The following APBA2 variants were observed in gnomAD, a reference collection of about 807,000 sequenced individuals.
APBA2 encodes amyloid-beta A4 precursor protein-binding family A member 2.
Under a neutral mutation model 75.0 loss-of-function variants are expected in APBA2, and 30 were observed. The observed-to-expected ratio is 0.40, with a 90% CI of 0.30 to 0.54. The LOEUF is 0.54. Among genes scored for constraint, APBA2 ranks in the 20% least tolerant of loss-of-function variants. The probability of loss-of-function intolerance (pLI) is 0.49; values close to 1 mark genes in which losing one functional copy is unlikely to be tolerated. For synonymous variants in APBA2, 444 were observed against 409.6 expected, an observed-to-expected ratio of 1.08 and a Z score of -1.01; for missense variants, 801 against 1,016.1, an observed-to-expected ratio of 0.79 and a Z score of 2.88.
chr15:29,103,488 G>A (rs2044233655), intron 10 of APBA2, among the ~76,000 whole-genome samples: 1 of 152,244 alleles, frequency 6.6e-6, no homozygotes, highest in Non-Finnish European at 1.5e-5. Flanking sequence ...CAGCCGCAGA[G>A]AGAGCCCCCT....
intron 11 of APBA2, among the ~76,000 whole-genome samples, chr15:29,106,356 G>A (rs556672123): frequency 7.0e-6 from 1 of 143,276 alleles, no homozygotes; most frequent in Admixed American, 7.7e-5. Flanking sequence ...GGGATAGGGG[G>A]TCTGTGCTTC....
At chr15:29,067,296 G>C (rs962327785) in intron 4 of APBA2, among the ~76,000 whole-genome samples, 45 of 152,044 alleles carry the variant, frequency 3.0e-4, no homozygotes, top group African/African-American at 8.7e-4. Context: ...AAACATTTTG[G>C]GCCAAATCAA....
chr15:28,924,034 G>A (rs1340913420), intron 2 of APBA2, among the ~76,000 whole-genome samples: 1 of 152,160 alleles, frequency 6.6e-6, no homozygotes, highest in Non-Finnish European at 1.5e-5. Context: ...GGTCAACCTG[G>A]CCACCCTTAA....
Position 29,117,257 on chromosome 15 carries a change from A to G in APBA2, c.*124A>G. Reference sequence around the variant, plus strand: ...CCCAGCCACGGACGCTGGCTCCCCAAAGGGTGTGCCCTCACCACCCACTTG... The same window carrying G: ...CCCAGCCACGGACGCTGGCTCCCCAGAGGGTGTGCCCTCACCACCCACTTG... On this transcript the variant is annotated 3_prime_UTR_variant, in exon 15 of 15. Transcript: ENST00000683413. The G allele has an allele frequency of 1.1e-6, 1 of 873,396 alleles. No individual in the cohort carries two copies. The highest frequency in any genetic ancestry group is 1.9e-6 in the Non-Finnish European group (1 of 530,666). 54.1% of individuals were successfully genotyped at this position (873,396 alleles called of 1,614,324 possible).
chr15:29,108,139 G>A, intron 12 of APBA2, 131 bp from the exon 13 acceptor site: 1 of 1,345,984 alleles, frequency 7.4e-7, no homozygotes. Flanking sequence ...GAGGCTGAGA[G>A]GGGACTGCCT....
At chr15:29,071,421 C>T (rs892958078) in intron 4 of APBA2, among the ~76,000 whole-genome samples, 1 of 151,662 alleles carries the variant, frequency 6.6e-6, no homozygotes, top group Non-Finnish European at 1.5e-5. Flanking sequence ...CCGCCTTCTC[C>T]GAGTGATGGC....
intron 3 of APBA2, among the ~76,000 whole-genome samples, chr15:29,028,018 G>C (rs1478425894): frequency 6.6e-6 from 1 of 151,254 alleles, no homozygotes; most frequent in African/African-American, 2.4e-5. Context: ...AAGTTTTGGG[G>C]TACATGTGCA....
chr15:29,075,505 C>T (rs2042812288), intron 5 of APBA2, among the ~76,000 whole-genome samples: 1 of 152,130 alleles, frequency 6.6e-6, no homozygotes. Context: ...CCAAAAATGT[C>T]TCCAGACATT....
intron 3 of APBA2, among the ~76,000 whole-genome samples, chr15:29,020,922 C>T (rs1419277226): frequency 6.6e-6 from 1 of 151,960 alleles, no homozygotes; most frequent in Non-Finnish European, 1.5e-5. Context: ...ATGTGCAATT[C>T]AATACTGTGT....
At chr15:28,947,069 C>A (rs1012018199) in intron 2 of APBA2, among the ~76,000 whole-genome samples, 1 of 152,204 alleles carries the variant, frequency 6.6e-6, no homozygotes, top group African/African-American at 2.4e-5. Flanking sequence ...TGCTCAAGTC[C>A]TATGTCATCG....
intron 3 of APBA2, among the ~76,000 whole-genome samples, chr15:29,007,552 A>G (rs944343725): frequency 2.0e-5 from 3 of 152,250 alleles, no homozygotes; most frequent in Non-Finnish European, 4.4e-5. Flanking sequence ...CACCTGATTA[A>G]CAAACGAACA....
At chr15:28,930,067 T>A (rs1566809134) in intron 2 of APBA2, among the ~76,000 whole-genome samples, 1 of 152,096 alleles carries the variant, frequency 6.6e-6, no homozygotes, top group East Asian at 1.9e-4. Context: ...TGGAAGGAGC[T>A]GAGTTGGGGA....
chr15:29,092,687 G>A lies in APBA2; in HGVS notation c.1070-388G>A, dbSNP rs199510845. Among the ~76,000 whole-genome samples, 20 of 152,272 alleles carry A rather than the reference G, an allele frequency of 1.3e-4. No homozygotes were observed. In the East Asian group the frequency reaches 2.9e-3, roughly 22 times the overall value. On this transcript the variant is annotated intron_variant, in intron 6 of 14. Transcript: ENST00000683413. ...AGGACAGGCCAAGGAGAAGCCCAGG[G>A]CACAGTTTCAGGTCACCAGCATGAG...
intron 3 of APBA2, among the ~76,000 whole-genome samples, chr15:29,004,951 G>T (rs1197295984): frequency 6.6e-6 from 1 of 152,088 alleles, no homozygotes; most frequent in East Asian, 1.9e-4. Flanking sequence ...AAGTGCTGGG[G>T]TTACAGGCGT....
Position 29,079,535 on chromosome 15 carries a change from CCAGA to C in APBA2, c.1069+3447_1069+3450del, listed in dbSNP as rs1264396223. On this transcript the variant is annotated intron_variant, in intron 6 of 14. Coordinates refer to ENST00000683413, the MANE Select transcript of APBA2 (RefSeq NM_001353788.2). Reference sequence around the variant, plus strand: ...CCAGCCTCTCAGATGTTAGTGTTGGCCAGACAATCAAACCCTGGGCTTTTTATGA... The same window carrying C: ...CCAGCCTCTCAGATGTTAGTGTTGGCCAATCAAACCCTGGGCTTTTTATGA... Among the ~76,000 whole-genome samples, 16 of 152,248 alleles carry C rather than the reference CCAGA, an allele frequency of 1.1e-4. No homozygotes were observed. The South Asian group carries it at 2.7e-3, about 26-fold the overall frequency.
In APBA2 at chr15:29,054,764, G is replaced by A. The variant is rs375700005; in HGVS notation, c.880G>A (p.Gly294Arg). The A allele has an allele frequency of 4.4e-5, 70 of 1,606,946 alleles. No individual in the cohort carries two copies. Among genetic ancestry groups the A allele is most frequent in the East Asian group, 1.1e-4 (5 of 44,872 alleles). The change falls in exon 4 of 15, where the codon GGA becomes AGA. Residue 294 changes from glycine to arginine, a missense_variant. Around this residue, in one of 2 missense-constraint regions of APBA2, gnomAD observed 434 missense variants for 471.6 expected, o/e 0.92. Transcript: ENST00000683413. This position sits in a 1 kb window ranked among gnomAD's most constrained non-coding sequence, Gnocchi z 6.1. ...LNLLPEAKHP[G>R]DPQRGFKPKT... Reference sequence around the variant, plus strand: ...CCTCCTTCCCGAGGCCAAGCACCCCGGAGACCCCCAGAGAGGCTTCAAGCC... The same window carrying A: ...CCTCCTTCCCGAGGCCAAGCACCCCAGAGACCCCCAGAGAGGCTTCAAGCC...
intron 3 of APBA2, among the ~76,000 whole-genome samples, chr15:29,019,874 C>T (rs2039863571): frequency 6.6e-6 from 1 of 152,232 alleles, no homozygotes; most frequent in Non-Finnish European, 1.5e-5. Flanking sequence ...CATCTGCATT[C>T]TGCAGTTTAC....
chr15:29,004,769 T>C (rs2039025664), intron 3 of APBA2, among the ~76,000 whole-genome samples: 2 of 152,154 alleles, frequency 1.3e-5, no homozygotes, highest in South Asian at 4.1e-4. Context: ...ACCCTCCGCC[T>C]CCTGGGTTCA....
chr15:28,955,968 G>A (rs2036147490), intron 2 of APBA2, among the ~76,000 whole-genome samples: 1 of 152,192 alleles, frequency 6.6e-6, no homozygotes, highest in Non-Finnish European at 1.5e-5. Context: ...GAAATGCACA[G>A]TCTCAGGCCC....
Sources: allele counts gnomAD v4.1 joint callset (sites outside exome capture counted in the v4.1 genomes callset), GRCh38; gene constraint gnomAD v4.1.1; regional missense constraint gnomAD v4.1.1; non-coding constraint Gnocchi (gnomAD v3.1); transcripts MANE v1.5; gene names NCBI Gene and HGNC (gene_info 2026-07-23, HGNC 2026-07-21).